The following LDLRAD4 variants were observed in gnomAD, a reference collection of about 807,000 sequenced individuals.
LDLRAD4 encodes the protein low-density lipoprotein receptor class A domain-containing protein 4.
In LDLRAD4, 5 loss-of-function variants were observed where a neutral mutation model predicts 17.0. That is an observed-to-expected ratio of 0.29 (90% confidence interval 0.15 to 0.62). The LOEUF (loss-of-function observed/expected upper bound fraction) is 0.62, where lower values mean the gene tolerates loss of function less well. Ranked by LOEUF, LDLRAD4 falls within the 20% of genes least tolerant of loss-of-function variation. The pLI is 0.84. For synonymous variants in LDLRAD4, 168 were observed against 171.8 expected, an observed-to-expected ratio of 0.98 and a Z score of 0.17; for missense variants, 340 against 424.7, an observed-to-expected ratio of 0.80 and a Z score of 1.75.
intron 2 of LDLRAD4, among the ~76,000 whole-genome samples, chr18:13,396,982 C>T (rs1446291035): frequency 6.6e-6 from 1 of 152,200 alleles, no homozygotes. Flanking sequence ...AAGCTATATT[C>T]CAGTTGCCAA....
Position 13,245,551 on chromosome 18 carries a change from G to A in LDLRAD4, c.-467+26563G>A, listed in dbSNP as rs376364141. ...TGCCCAGGTCAGCCCAAGTCAGAAG[G>A]CTCAGGGCTGGCTCTCAGGGCCACA... On this transcript the variant is annotated intron_variant, in intron 1 of 5. Coordinates refer to the LDLRAD4 transcript ENST00000399848. Among the ~76,000 whole-genome samples, 8 of 152,220 alleles carry A rather than the reference G, an allele frequency of 5.3e-5. No individual in the cohort carries two copies. In the East Asian group the frequency reaches 1.5e-3, roughly 29 times the overall value.
chr18:13,471,620 G>A (rs189503029), intron 3 of LDLRAD4: 366 of 152,600 alleles, frequency 2.4e-3, no homozygotes, highest in Non-Finnish European at 3.8e-3. Context: ...GTGGCCTGGA[G>A]CACTGGAGGG....
intron 2 of LDLRAD4, among the ~76,000 whole-genome samples, chr18:13,413,758 C>T (rs535037018): frequency 4.2e-4 from 64 of 152,234 alleles, no homozygotes; most frequent in Non-Finnish European, 6.9e-4. Flanking sequence ...AGTTTTATAT[C>T]TTCTTTCTAG....
intron 3 of LDLRAD4, among the ~76,000 whole-genome samples, chr18:13,535,905 G>A (rs1227469554): frequency 1.3e-5 from 2 of 152,112 alleles, no homozygotes; most frequent in Non-Finnish European, 2.9e-5. Flanking sequence ...TGGTGAAAAG[G>A]CCATCTTTTC....
chr18:13,268,872 T>C (rs2044366938), intron 1 of LDLRAD4, among the ~76,000 whole-genome samples: 2 of 152,240 alleles, frequency 1.3e-5, no homozygotes, highest in African/African-American at 4.8e-5. Flanking sequence ...GACAAAGTAG[T>C]GATTTAAAAA....
At position 13,645,637 on chromosome 18, in the gene LDLRAD4, A is replaced by T; in HGVS notation, c.901A>T (p.Lys301Ter). The change falls in exon 6 of 6, where the codon AAG (lysine) becomes TAG (stop). Residue 301 changes from lysine to a stop codon, truncating the protein, a stop_gained. Coordinates refer to ENST00000359446, the Ensembl canonical transcript of LDLRAD4. LOFTEE classifies it high-confidence loss of function. This position sits in a 1 kb window ranked among gnomAD's most constrained non-coding sequence, Gnocchi z 5.7. ...AGTACCCATCAAAGGCAAAGATAGG[A>T]AGCCTGGGAACCTGGTCTGATTCCT... The T allele has an allele frequency of 1.3e-6, 2 of 1,515,368 alleles. No homozygotes were observed. Among genetic ancestry groups the T allele is most frequent in the Non-Finnish European group, 1.8e-6 (2 of 1,132,356 alleles). The allele number at this position is 1,515,368 out of a possible 1,614,324, so 93.9% of individuals were successfully genotyped here. A position where few individuals can be genotyped will look rare whatever the true frequency, so the allele number is the denominator to read the frequency against.
intron 1 of LDLRAD4, among the ~76,000 whole-genome samples, chr18:13,262,563 C>CT (rs2043933928): frequency 8.3e-6 from 1 of 120,130 alleles, no homozygotes; most frequent in Non-Finnish European, 1.7e-5. Flanking sequence ...TGCGTGGAAA[C>CT]TGAGTCCCGT....
intron 3 of LDLRAD4, chr18:13,491,192 A>G (rs1192344264): frequency 6.6e-6 from 1 of 152,246 alleles, no homozygotes; most frequent in Non-Finnish European, 1.5e-5. Context: ...TTTCTGCCAC[A>G]GGGATTTGTT....
chr18:13,567,757 A>C (rs1041322878), intron 3 of LDLRAD4, among the ~76,000 whole-genome samples: 7 of 151,804 alleles, frequency 4.6e-5, no homozygotes, highest in African/African-American at 1.7e-4. Flanking sequence ...TTTGTTAAAA[A>C]AAAAAAAATA....
At chr18:13,246,838 GACAA>G (rs1296397594) in intron 1 of LDLRAD4, among the ~76,000 whole-genome samples, 4 of 152,132 alleles carry the variant, frequency 2.6e-5, no homozygotes, top group African/African-American at 9.7e-5. Context: ...CTCAGGGTTA[GACAA>G]ACAGCCCTGC....
At chr18:13,360,325 C>T (rs1265911434) in intron 1 of LDLRAD4, among the ~76,000 whole-genome samples, 1 of 152,212 alleles carries the variant, frequency 6.6e-6, no homozygotes, top group Non-Finnish European at 1.5e-5. Context: ...GTGCTGTTTG[C>T]CCTCAGGGAG....
Position 13,442,557 on chromosome 18 carries a change from A to G in LDLRAD4, c.181+4173A>G, listed in dbSNP as rs561343312. 3.2e-4 allele frequency among the ~76,000 whole-genome samples: 49 copies of G among 152,348 alleles called. 1 individual carries two copies. The South Asian group carries it at 9.5e-3, about 30-fold the overall frequency. The stretch of plus-strand genomic sequence containing the variant: ...GTTGGGCCTAGAGAGACAGAAGCCA[A>G]TGTATAAGGCTGCACCTCCTGCCCT... On this transcript the variant is annotated intron_variant, in intron 3 of 5. Coordinates refer to ENST00000359446, the Ensembl canonical transcript of LDLRAD4.
intron 2 of LDLRAD4, among the ~76,000 whole-genome samples, chr18:13,427,880 T>A (rs1045387393): frequency 8.3e-6 from 1 of 120,130 alleles, no homozygotes; most frequent in Admixed American, 8.5e-5. Flanking sequence ...AGTGAGGATA[T>A]TTACTCAGCT....
At chr18:13,414,148 A>G (rs965046006) in intron 2 of LDLRAD4, among the ~76,000 whole-genome samples, 1 of 152,250 alleles carries the variant, frequency 6.6e-6, no homozygotes, top group African/African-American at 2.4e-5. Flanking sequence ...AATGAAATCC[A>G]GAGATGAACA....
chr18:13,612,880 TTCTC>T, intron 3 of LDLRAD4: 1 of 1,343,278 alleles, frequency 7.4e-7, no homozygotes, highest in East Asian at 2.5e-5. Context: ...GAGAAGCTCT[TTCTC>T]AAGAAGTTTC....
intron 1 of LDLRAD4, among the ~76,000 whole-genome samples, chr18:13,272,445 T>C (rs2044615927): frequency 6.6e-6 from 1 of 152,220 alleles, no homozygotes; most frequent in Non-Finnish European, 1.5e-5. Context: ...ACTTTACTGT[T>C]GCATCTGGTT....
chr18:13,341,931 TTTTAAAAAATCA>T (rs1418519223), intron 1 of LDLRAD4, among the ~76,000 whole-genome samples: 1 of 152,082 alleles, frequency 6.6e-6, no homozygotes, highest in Non-Finnish European at 1.5e-5. Flanking sequence ...ATTGAGTGTT[TTTTAAAAAATCA>T]TGAATGGTGT....
chr18:13,516,221 A>T (rs2093864448), intron 3 of LDLRAD4: 1 of 152,212 alleles, frequency 6.6e-6, no homozygotes, highest in Non-Finnish European at 1.5e-5. Flanking sequence ...TCTTCCCTAC[A>T]CCCAAAATTG....
chr18:13,436,350 C>T (rs766987171), intron 2 of LDLRAD4, among the ~76,000 whole-genome samples: 1 of 152,132 alleles, frequency 6.6e-6, no homozygotes, highest in African/African-American at 2.4e-5. Flanking sequence ...CGTGTCTCCC[C>T]CCAACAAGTT....
Sources: allele counts gnomAD v4.1 joint callset (sites outside exome capture counted in the v4.1 genomes callset), GRCh38; gene constraint gnomAD v4.1.1; non-coding constraint Gnocchi (gnomAD v3.1); transcripts MANE v1.5; gene names NCBI Gene and HGNC (gene_info 2026-07-23, HGNC 2026-07-21).